The following PLEKHG7 variants were observed in gnomAD, a reference collection of about 807,000 sequenced individuals.
PLEKHG7 encodes pleckstrin homology and RhoGEF domain containing G7, also known as pleckstrin homology domain-containing family G member 7.
In PLEKHG7, 77 loss-of-function variants were observed where a neutral mutation model predicts 85.2. The observed-to-expected ratio is 0.90, with a 90% CI of 0.75 to 1.09. The LOEUF (loss-of-function observed/expected upper bound fraction) is 1.09, where lower values mean the gene tolerates loss of function less well. Among genes scored for constraint, PLEKHG7 ranks in the 50% least tolerant of loss-of-function variants. PLEKHG7 has a pLI of 0.00. For synonymous variants in PLEKHG7, 301 were observed against 302.4 expected, an observed-to-expected ratio of 1.00 and a Z score of 0.05; for missense variants, 777 against 804.3, an observed-to-expected ratio of 0.97 and a Z score of 0.41.
intron 10 of PLEKHG7, among the ~76,000 whole-genome samples, chr12:92,750,942 C>CAATA (rs5800084): frequency 0.47 from 70,223 of 150,308 alleles, 17,349 homozygotes; most frequent in East Asian, 0.9. Flanking sequence ...TACCCTGTCT[C>CAATA]AATAAATAAA....
In PLEKHG7 at chr12:92,732,253, C is replaced by A. The variant is rs895903986; in HGVS notation, c.679C>A (p.Pro227Thr). The A allele has an allele frequency of 1.6e-6, 2 of 1,231,406 alleles. No individual in the cohort carries two copies. Among genetic ancestry groups the A allele is most frequent in the Non-Finnish European group, 2.0e-6 (2 of 987,376 alleles). The allele number at this position is 1,231,406 out of a possible 1,614,324, so 76.3% of individuals were successfully genotyped here. A position where few individuals can be genotyped will look rare whatever the true frequency, so the allele number is the denominator to read the frequency against. The change falls in exon 5 of 17, where the codon CCT becomes ACT. Residue 227 changes from proline (P) to threonine (T), a missense_variant. This residue lies in a region of PLEKHG7 where 520 missense variants were observed against 544.0 expected (regional missense o/e 0.96). Coordinates refer to ENST00000344636, the MANE Select transcript of PLEKHG7 (RefSeq NM_001377329.1). Reference protein sequence around the residue: ...LNSESKKPRWPFSKRGVGKDK... With the variant: ...LNSESKKPRWTFSKRGVGKDK... The stretch of plus-strand genomic sequence containing the variant: ...CCCAGAATCCAAAAAGCCAAGATGG[C>A]CTTTCTCCAAAAGAGGAGTGGTAAG...
At chr12:92,747,842 A>C (rs78949452) in intron 10 of PLEKHG7, among the ~76,000 whole-genome samples, 1 of 152,178 alleles carries the variant, frequency 6.6e-6, no homozygotes, top group African/African-American at 2.4e-5. Flanking sequence ...GAGCTAAAAA[A>C]GTTAGTCTCA....
chr12:92,734,693 C>T (rs780882470), intron 5 of PLEKHG7, among the ~76,000 whole-genome samples: 2 of 152,136 alleles, frequency 1.3e-5, no homozygotes, highest in Non-Finnish European at 2.9e-5. Context: ...CTCATTAGAG[C>T]TCTCCATAGA....
At chr12:92,707,808 C>A (rs756346647) in intron 3 of PLEKHG7, 136 bp downstream of exon 3, 1 of 1,461,760 alleles carries the variant, frequency 6.8e-7, no homozygotes, top group Non-Finnish European at 9.4e-7. Flanking sequence ...TCAAGTCACT[C>A]TTCGCATTTA....
In PLEKHG7 at chr12:92,756,780, A is replaced by C. The variant is rs1336018081; in HGVS notation, c.1636+389A>C. Among the ~76,000 whole-genome samples, 3 of 152,226 alleles carry C rather than the reference A, an allele frequency of 2.0e-5. No individual in the cohort carries two copies. In the South Asian group the frequency reaches 6.2e-4, roughly 32 times the overall value. The stretch of plus-strand genomic sequence containing the variant: ...ATGTTTATGGAGACTCTATTATATT[A>C]TATAGGACAAGTTGTGCTAGGTAGG... On this transcript the variant is annotated intron_variant, in intron 13 of 16. Transcript: ENST00000344636.
Position 92,761,626 on chromosome 12 carries a change from GA to G in PLEKHG7, c.1637-123del, listed in dbSNP as rs1392576731. On this transcript the variant is annotated intron_variant, in intron 13 of 16. Transcript: ENST00000344636. ...GAAAGAAAAAGAAAGAAAGAAAGAA[GA>G]AAGAAAGAAAGAAAGAAAGAAAGAA... 5.3e-4 allele frequency: 35 copies of G among 65,478 alleles called. No homozygotes were observed. The African/African-American group carries it at 5.7e-3, about 11-fold the overall frequency. 4.1% of individuals were successfully genotyped at this position (65,478 alleles called of 1,614,324 possible).
intron 3 of PLEKHG7, among the ~76,000 whole-genome samples, chr12:92,722,762 A>G (rs1871682819): frequency 6.6e-6 from 1 of 152,202 alleles, no homozygotes; most frequent in South Asian, 2.1e-4. Context: ...TATGTTCCAG[A>G]ACGGAAAAAC....
rs146227771 is a variant in PLEKHG7 at position 92,756,328 on chromosome 12, G to A, written c.1573G>A (p.Ala525Thr). ...CLKHIFKEHM[A>T]ENILSPTSRH... ...GAAACACATTTTTAAAGAACACATGGCAGAAAACATCTTGTCACCAACCAG... is the reference window on the plus strand; with the variant it reads ...GAAACACATTTTTAAAGAACACATGACAGAAAACATCTTGTCACCAACCAG... Residue 525 changes from alanine (A) to threonine (T), a missense_variant, in exon 13 of 17, where the codon GCA becomes ACA. By Grantham distance (58) the Ala-to-Thr change is moderately conservative. This residue lies in a region of PLEKHG7 where 520 missense variants were observed against 544.0 expected (regional missense o/e 0.96). Coordinates refer to ENST00000344636, the MANE Select transcript of PLEKHG7 (RefSeq NM_001377329.1). The A allele has an allele frequency of 9.9e-5, 159 of 1,612,220 alleles. No homozygotes were observed. The highest frequency in any genetic ancestry group is 1.2e-4 in the Non-Finnish European group (147 of 1,178,516).
At chr12:92,729,262 G>A in intron 4 of PLEKHG7, 142 bp downstream of exon 4, 1 of 1,063,480 alleles carries the variant, frequency 9.4e-7, no homozygotes, top group Non-Finnish European at 1.2e-6. Flanking sequence ...ATTACAACGG[G>A]CACCAGCTGT....
chr12:92,767,335 A>T (rs865897034), intron 15 of PLEKHG7, among the ~76,000 whole-genome samples: 17 of 152,342 alleles, frequency 1.1e-4, no homozygotes, highest in Admixed American at 3.9e-4. Flanking sequence ...CATACTACAA[A>T]CCAAATGAAG....
In PLEKHG7 at chr12:92,741,477, C is replaced by T. The variant is rs1418048885; in HGVS notation, c.1036-14C>T. On this transcript the variant is annotated splice_polypyrimidine_tract_variant and intron_variant, in intron 8 of 16. Coordinates refer to ENST00000344636, the MANE Select transcript of PLEKHG7 (RefSeq NM_001377329.1). ...GTGTGTGCCTATTTTTGTTTTCTTT[C>T]TCTCTGTCCCTAGACAAGCCTTGGT... 2.5e-6 allele frequency: 4 copies of T among 1,587,584 alleles called. No homozygotes were observed. The highest frequency in any genetic ancestry group is 2.6e-6 in the Non-Finnish European group (3 of 1,165,726).
At chr12:92,749,599 T>G (rs2136615267) in intron 10 of PLEKHG7, 1 of 152,340 alleles carries the variant, frequency 6.6e-6, no homozygotes, top group Non-Finnish European at 1.5e-5. Flanking sequence ...ACCAAGTCTC[T>G]TCGTGTGGCA....
chr12:92,744,383 C>T (rs1176737969), intron 9 of PLEKHG7, among the ~76,000 whole-genome samples: 1 of 152,136 alleles, frequency 6.6e-6, no homozygotes, highest in African/African-American at 2.4e-5. Context: ...AAAAGAATAA[C>T]CATCATTCCC....
intron 9 of PLEKHG7, 91 bp downstream of exon 9, chr12:92,741,683 C>T: frequency 2.2e-6 from 2 of 901,608 alleles, no homozygotes; most frequent in South Asian, 2.1e-5. Context: ...TTTAATTCTC[C>T]CTGGGAAAGT....
At chr12:92,750,909 A>G (rs551303236) in intron 10 of PLEKHG7, among the ~76,000 whole-genome samples, 48 of 151,852 alleles carry the variant, frequency 3.2e-4, no homozygotes, top group African/African-American at 1.1e-3. Context: ...CACTGCACTT[A>G]GCCTGGGTGA....
At chr12:92,762,124 G>A (rs150141654) in intron 14 of PLEKHG7, among the ~76,000 whole-genome samples, 12 of 152,264 alleles carry the variant, frequency 7.9e-5, no homozygotes, top group African/African-American at 2.6e-4. Context: ...CTAAGTCCCA[G>A]AAGCCACAGG....
intron 10 of PLEKHG7, among the ~76,000 whole-genome samples, chr12:92,748,554 A>G (rs561562439): frequency 5.1e-4 from 78 of 152,114 alleles, no homozygotes; most frequent in Middle Eastern, 3.4e-3. Context: ...AGCTCACATG[A>G]TGCTTTTATA....
At chr12:92,720,017 T>G (rs541219152) in intron 3 of PLEKHG7, among the ~76,000 whole-genome samples, 1 of 152,160 alleles carries the variant, frequency 6.6e-6, no homozygotes, top group Non-Finnish European at 1.5e-5. Flanking sequence ...GGAATCTGGG[T>G]CCTAAGTTGG....
chr12:92,738,352 G>A (rs933592489), intron 7 of PLEKHG7, among the ~76,000 whole-genome samples: 8 of 152,250 alleles, frequency 5.3e-5, no homozygotes, highest in African/African-American at 1.7e-4. Flanking sequence ...TCTGCCCACC[G>A]CACTTTTGCA....
Sources: gnomAD v4.1 joint callset for allele counts (sites outside exome capture counted in the v4.1 genomes callset) on GRCh38, gnomAD v4.1.1 for gene constraint, gnomAD v4.1.1 regional missense constraint, MANE v1.5 for transcripts, NCBI Gene and HGNC (gene_info 2026-07-23, HGNC 2026-07-21) for gene names.